OPCML: variants seen among roughly 807,000 people sequenced by gnomAD.
OPCML encodes opioid binding protein/cell adhesion molecule like, also known as opioid-binding protein/cell adhesion molecule.
Under a neutral mutation model 37.8 loss-of-function variants are expected in OPCML, and 13 were observed. That is an observed-to-expected ratio of 0.34 (90% CI 0.22 to 0.55). The LOEUF is 0.55. Ranked by LOEUF, OPCML falls within the 20% of genes least tolerant of loss-of-function variation. The pLI is 0.91. For synonymous variants in OPCML, 176 were observed against 168.8 expected (o/e 1.04, Z -0.33); for missense variants, 341 against 435.6 (o/e 0.78, Z 1.93).
intron 4 of OPCML, among the ~76,000 whole-genome samples, chr11:132,447,546 T>A (rs1015868455): frequency 6.6e-6 from 1 of 151,770 alleles, no homozygotes; most frequent in Non-Finnish European, 1.5e-5. Flanking sequence ...CTGAGCTCAG[T>A]CAATCCACCT....
chr11:132,917,874 A>C (rs1019549424), intron 2 of OPCML, among the ~76,000 whole-genome samples: 1 of 152,202 alleles, frequency 6.6e-6, no homozygotes, highest in African/African-American at 2.4e-5. Context: ...TCTGCCCTGA[A>C]ATGAAAGAAA....
intron 1 of OPCML, among the ~76,000 whole-genome samples, chr11:133,447,755 T>C (rs968248431): frequency 1.3e-5 from 2 of 152,232 alleles, no homozygotes; most frequent in African/African-American, 4.8e-5. Flanking sequence ...CCACATTTTA[T>C]TTATCCAGTC....
chr11:133,294,454 A>T (rs1232017702), intron 1 of OPCML, among the ~76,000 whole-genome samples: 1 of 152,124 alleles, frequency 6.6e-6, no homozygotes. Context: ...GACCAAGTTG[A>T]TAAGTTAATG....
At chr11:133,080,974 A>G (rs1445857358) in intron 1 of OPCML, among the ~76,000 whole-genome samples, 1 of 152,120 alleles carries the variant, frequency 6.6e-6, no homozygotes, top group African/African-American at 2.4e-5. Context: ...ATGGTGGGGA[A>G]AGGGGCTTAC....
intron 1 of OPCML, chr11:133,420,332 T>C: frequency 4.1e-6 from 4 of 985,488 alleles, no homozygotes; most frequent in Non-Finnish European, 3.6e-6. Flanking sequence ...AAGATCCTTT[T>C]TAGATATCCT....
Position 133,174,190 on chromosome 11 carries a change from C to T in OPCML, c.62-231180G>A, listed in dbSNP as rs192892483. On this transcript the variant is annotated intron_variant, in intron 1 of 7. Coordinates refer to ENST00000524381, the MANE Select transcript of OPCML (RefSeq NM_001012393.5). This position sits in a 1 kb window ranked among gnomAD's most constrained non-coding sequence, Gnocchi z 4.6. Reference sequence around the variant, plus strand: ...CCTTCTTTGGCACAAAGAAATGCTTCCCTCCCCTACCACGACAGGAAGAAG... The same window carrying T: ...CCTTCTTTGGCACAAAGAAATGCTTTCCTCCCCTACCACGACAGGAAGAAG... 7.6e-4 allele frequency among the ~76,000 whole-genome samples: 115 copies of T among 152,270 alleles called. No individual in the cohort carries two copies. Among genetic ancestry groups the T allele is most frequent in the African/African-American group, 2.8e-3 (115 of 41,548 alleles).
At chr11:132,627,866 A>ACC (rs1939843923) in intron 3 of OPCML, among the ~76,000 whole-genome samples, 1 of 152,206 alleles carries the variant, frequency 6.6e-6, no homozygotes, top group African/African-American at 2.4e-5. Context: ...CTTTGGGAAG[A>ACC]AGAGTTTGGT....
Position 133,206,593 on chromosome 11 carries a change from C to A in OPCML, c.62-263583G>T, listed in dbSNP as rs184623981. ...AATGAAGGGTAGTAGATTTGGAAAG[C>A]TGTTTATAGGCTGTTCCAAAAACCA... On this transcript the variant is annotated intron_variant, in intron 1 of 7. Transcript: ENST00000524381. This position sits in a 1 kb window ranked among gnomAD's most constrained non-coding sequence, Gnocchi z 4.7. Among the ~76,000 whole-genome samples the A allele has an allele frequency of 1.7e-3, 258 of 152,252 alleles. No individual in the cohort carries two copies. Among genetic ancestry groups the A allele is most frequent in the Middle Eastern group, 0.014 (4 of 294 alleles).
chr11:132,876,891 G>A (rs1288927872), intron 2 of OPCML, among the ~76,000 whole-genome samples: 1 of 152,202 alleles, frequency 6.6e-6, no homozygotes, highest in Admixed American at 6.5e-5. Flanking sequence ...GTAAGGCTCA[G>A]GAGGGGCATG....
At chr11:132,694,395 C>T in intron 2 of OPCML, among the ~76,000 whole-genome samples, 1 of 151,830 alleles carries the variant, frequency 6.6e-6, no homozygotes, top group Non-Finnish European at 1.5e-5. Context: ...GGTGAGGTTT[C>T]ACCATGTTGG....
chr11:133,504,572 T>C (rs1304743988), intron 1 of OPCML, among the ~76,000 whole-genome samples: 3 of 152,168 alleles, frequency 2.0e-5, no homozygotes, highest in African/African-American at 7.2e-5. Context: ...TGATTAATTG[T>C]GCCAACCGCA....
At chr11:133,155,575 A>G (rs1950047655) in intron 1 of OPCML, among the ~76,000 whole-genome samples, 1 of 151,462 alleles carries the variant, frequency 6.6e-6, no homozygotes, top group Admixed American at 6.6e-5. Flanking sequence ...TCCTTACTTC[A>G]CCCGCATACC....
chr11:133,396,139 T>C (rs1945281370), intron 1 of OPCML, among the ~76,000 whole-genome samples: 1 of 150,626 alleles, frequency 6.6e-6, no homozygotes, highest in African/African-American at 2.5e-5. Flanking sequence ...TATTTGTGGC[T>C]ACTATAAATA....
At chr11:133,500,219 A>G (rs1947882312) in intron 1 of OPCML, among the ~76,000 whole-genome samples, 1 of 152,124 alleles carries the variant, frequency 6.6e-6, no homozygotes, top group Admixed American at 6.5e-5. Context: ...CAAAGGAGAA[A>G]TAGCAAAAAT....
chr11:133,158,713 AAAATAAAATAAAATAAAAT>A (rs1565478683), intron 1 of OPCML, among the ~76,000 whole-genome samples: 9 of 33,296 alleles, frequency 2.7e-4, no homozygotes, highest in African/African-American at 1.7e-3. Flanking sequence ...TAAAATTAAA[AAAATAAAATAAAATAAAAT>A]AAAATAAAAT....
intron 2 of OPCML, among the ~76,000 whole-genome samples, chr11:132,706,250 A>G (rs1256617673): frequency 3.9e-5 from 6 of 152,160 alleles, no homozygotes; most frequent in Non-Finnish European, 8.8e-5. Context: ...CTAAAACTAA[A>G]TTACTATATG....
At chr11:133,146,019 A>G (rs1949892182) in intron 1 of OPCML, among the ~76,000 whole-genome samples, 1 of 152,208 alleles carries the variant, frequency 6.6e-6, no homozygotes, top group Non-Finnish European at 1.5e-5. Context: ...TATTATTTCC[A>G]TTTTTAAATG....
intron 1 of OPCML, among the ~76,000 whole-genome samples, chr11:133,120,208 ATATT>A (rs1267807944): frequency 6.6e-6 from 1 of 152,216 alleles, no homozygotes; most frequent in Non-Finnish European, 1.5e-5. Context: ...TCTAACATAT[ATATT>A]TGTGTGTATA....
intron 1 of OPCML, among the ~76,000 whole-genome samples, chr11:133,442,054 A>G (rs1946375723): frequency 6.6e-6 from 1 of 152,188 alleles, no homozygotes; most frequent in African/African-American, 2.4e-5. Context: ...CACTTGTGCT[A>G]ATTTTGAAGC....
Sources: allele counts gnomAD v4.1 joint callset (sites outside exome capture counted in the v4.1 genomes callset), GRCh38; gene constraint gnomAD v4.1.1; non-coding constraint Gnocchi (gnomAD v3.1); transcripts MANE v1.5; gene names NCBI Gene and HGNC (gene_info 2026-07-23, HGNC 2026-07-21).